Variants in ZNF804A observed in about 807,000 individuals in gnomAD.
ZNF804A encodes the protein zinc finger protein 804A.
In ZNF804A, 2 loss-of-function variants were observed where a neutral mutation model predicts 16.5. That is an observed-to-expected ratio of 0.12 (90% confidence interval 0.05 to 0.38). ZNF804A has a LOEUF of 0.38. Ranked by LOEUF, ZNF804A falls within the 10% of genes least tolerant of loss-of-function variation. The pLI, the probability that ZNF804A is intolerant of heterozygous loss-of-function variation, is 0.99. For missense variants in ZNF804A, 1,473 were observed against 1,390.7 expected (o/e 1.06, Z -0.94); for synonymous variants, 534 against 489.6 (o/e 1.09, Z -1.20).
At chr2:184,826,136 G>A (rs1235853875) in intron 1 of ZNF804A, among the ~76,000 whole-genome samples, 5 of 151,896 alleles carry the variant, frequency 3.3e-5, no homozygotes, top group African/African-American at 9.7e-5. Flanking sequence ...CACCCACCTC[G>A]GCCTCTCAAA....
At chr2:184,688,230 T>C (rs1159841780) in intron 1 of ZNF804A, among the ~76,000 whole-genome samples, 2 of 152,052 alleles carry the variant, frequency 1.3e-5, no homozygotes, top group African/African-American at 4.8e-5. Context: ...ACAAATTATA[T>C]ACCCGCCACA....
At chr2:184,615,044 C>G (rs1349587752) in intron 1 of ZNF804A, among the ~76,000 whole-genome samples, 1 of 152,036 alleles carries the variant, frequency 6.6e-6, no homozygotes, top group Admixed American at 6.6e-5. Context: ...GGATATATAC[C>G]CAAAGGATTA....
intron 1 of ZNF804A, among the ~76,000 whole-genome samples, chr2:184,777,892 AT>A (rs1694312928): frequency 6.6e-6 from 1 of 151,672 alleles, no homozygotes; most frequent in Admixed American, 6.6e-5. Context: ...TGTTGAGTTG[AT>A]AAAAATATTA....
At chr2:184,610,191 C>G (rs384591) in intron 1 of ZNF804A, among the ~76,000 whole-genome samples, 2 of 152,112 alleles carry the variant, frequency 1.3e-5, no homozygotes, top group Non-Finnish European at 2.9e-5. Flanking sequence ...AGAGAGTCCC[C>G]GCCAGTAAGA....
chr2:184,861,553 G>T (rs1447416803), intron 1 of ZNF804A, among the ~76,000 whole-genome samples: 2 of 152,106 alleles, frequency 1.3e-5, no homozygotes, highest in Admixed American at 6.6e-5. Context: ...GTCTGCTAAT[G>T]CTGGGCTCTG....
intron 1 of ZNF804A, among the ~76,000 whole-genome samples, chr2:184,845,717 T>A (rs138273718): frequency 0.014 from 2,126 of 152,218 alleles, 22 homozygotes; most frequent in Middle Eastern, 0.024. Context: ...AGACTCTTTC[T>A]CAGATCATCA....
At chr2:184,672,773 G>A (rs530331927) in intron 1 of ZNF804A, among the ~76,000 whole-genome samples, 3 of 149,584 alleles carry the variant, frequency 2.0e-5, no homozygotes, top group South Asian at 2.1e-4. Context: ...TCTTTCGTTC[G>A]TTTTGTCACC....
rs563068533 is a variant in ZNF804A, at chr2:184,731,251, CAAAAAA to C, written c.111+132205_111+132210del. ...GGACAACAAGAGCTAGGCTCCGTCG[CAAAAAA>C]AAAAAAAAAAAAAAAAAAAAAAAGG... On this transcript the variant is annotated intron_variant, in intron 1 of 3. Transcript: ENST00000302277. Among the ~76,000 whole-genome samples the C allele has an allele frequency of 6.3e-3, 286 of 45,322 alleles. 1 individual carries two copies. The highest frequency in any genetic ancestry group is 8.2e-3 in the Non-Finnish European group (233 of 28,528). 29.7% of individuals were successfully genotyped at this position (45,322 alleles called of 152,430 possible).
At chr2:184,826,451 T>C (rs1695170231) in intron 1 of ZNF804A, among the ~76,000 whole-genome samples, 1 of 152,124 alleles carries the variant, frequency 6.6e-6, no homozygotes, top group Non-Finnish European at 1.5e-5. Context: ...CAGATTAAAT[T>C]TCATGGAAAT....
chr2:184,866,571 G>A lies in ZNF804A; in HGVS notation c.255+59G>A, dbSNP rs181604318. 263 of 1,421,872 alleles carry A rather than the reference G, an allele frequency of 1.8e-4. No individual in the cohort carries two copies. In the African/African-American group the frequency reaches 3.5e-3, roughly 19 times the overall value. The allele number at this position is 1,421,872 out of a possible 1,614,324, so 88.1% of individuals were successfully genotyped here. ...CTGGACTTGTGTAATAGTTTTAATT[G>A]TGTAGACTCTATGAATATGATATGA... On this transcript the variant is annotated intron_variant, in intron 2 of 3. Transcript: ENST00000302277.
chr2:184,897,816 C>G (rs190476511), intron 2 of ZNF804A, among the ~76,000 whole-genome samples: 24 of 151,944 alleles, frequency 1.6e-4, no homozygotes, highest in Admixed American at 1.6e-3. Flanking sequence ...TTCTTTGTTT[C>G]TTTATTTGTT....
At chr2:184,932,827 A>G (rs1685723334) in intron 2 of ZNF804A, among the ~76,000 whole-genome samples, 1 of 152,162 alleles carries the variant, frequency 6.6e-6, no homozygotes, top group Non-Finnish European at 1.5e-5. Flanking sequence ...ATTATGTTCG[A>G]GTTGGCATGC....
chr2:184,936,672 G>A lies in ZNF804A; in HGVS notation c.1276G>A (p.Val426Ile). Residue 426 changes from valine (V) to isoleucine (I), a missense_variant, in exon 4 of 4, where the codon GTA becomes ATA. Val to Ile is a conservative substitution (Grantham distance 29). Transcript: ENST00000302277. The stretch of plus-strand genomic sequence containing the variant: ...CTGCAAAAGACAATGTGAGCCATTT[G>A]TACCTGTCCTTAACAAACACAGATC... ...NFCKRQCEPF[V>I]PVLNKHRSTV... 1.9e-6 allele frequency: 3 copies of A among 1,613,942 alleles called. No individual in the cohort carries two copies. The highest frequency in any genetic ancestry group is 2.5e-6 in the Non-Finnish European group (3 of 1,179,912).
chr2:184,687,221 G>A (rs1248964208), intron 1 of ZNF804A, among the ~76,000 whole-genome samples: 1 of 152,184 alleles, frequency 6.6e-6, no homozygotes, highest in African/African-American at 2.4e-5. Context: ...TAAGGGTCCA[G>A]TTCCACTCTT....
chr2:184,601,732 T>C (rs1315514871), intron 1 of ZNF804A, among the ~76,000 whole-genome samples: 1 of 151,910 alleles, frequency 6.6e-6, no homozygotes. Context: ...AGGATTTTAA[T>C]AATATCGCAA....
intron 1 of ZNF804A, among the ~76,000 whole-genome samples, chr2:184,634,564 C>T (rs1038516534): frequency 6.6e-6 from 1 of 151,534 alleles, no homozygotes; most frequent in Non-Finnish European, 1.5e-5. Context: ...GGAGGGAGGG[C>T]GTCAGGGAGA....
chr2:184,822,629 G>T (rs1389156640), intron 1 of ZNF804A, among the ~76,000 whole-genome samples: 1 of 152,092 alleles, frequency 6.6e-6, no homozygotes, highest in Non-Finnish European at 1.5e-5. Context: ...AAACTTTTGA[G>T]CAGATTTTTT....
At chr2:184,815,680 G>A (rs1002831127) in intron 1 of ZNF804A, among the ~76,000 whole-genome samples, 1 of 151,766 alleles carries the variant, frequency 6.6e-6, no homozygotes, top group Non-Finnish European at 1.5e-5. Context: ...CGGATTCATA[G>A]GATATAATAA....
At chr2:184,822,175 A>G (rs755732247) in intron 1 of ZNF804A, among the ~76,000 whole-genome samples, 2 of 152,168 alleles carry the variant, frequency 1.3e-5, no homozygotes, top group East Asian at 1.9e-4. Flanking sequence ...ATGCCCATCA[A>G]TTGTAGACTG....
Sources: allele counts gnomAD v4.1 joint callset (sites outside exome capture counted in the v4.1 genomes callset), GRCh38; gene constraint gnomAD v4.1.1; transcripts MANE v1.5; gene names NCBI Gene and HGNC (gene_info 2026-07-23, HGNC 2026-07-21).